The following FRMD4B variants were observed in gnomAD, a reference collection of about 807,000 sequenced individuals.
FRMD4B encodes the protein FERM domain-containing protein 4B.
Under a neutral mutation model 141.5 loss-of-function variants are expected in FRMD4B, and 74 were observed. The ratio of observed to expected loss-of-function variants is 0.52; its 90% CI spans 0.43 to 0.63. The LOEUF (loss-of-function observed/expected upper bound fraction) is 0.63, where lower values mean the gene tolerates loss of function less well. FRMD4B is among the 30% of genes least tolerant of loss of function. FRMD4B has a pLI of 0.00. For missense variants in FRMD4B, 1,366 were observed against 1,253.4 expected, an observed-to-expected ratio of 1.09 and a Z score of -1.36; for synonymous variants, 506 against 467.9, an observed-to-expected ratio of 1.08 and a Z score of -1.05.
intron 5 of FRMD4B, among the ~76,000 whole-genome samples, chr3:69,256,940 C>T (rs959505105): frequency 6.6e-6 from 1 of 152,150 alleles, no homozygotes; most frequent in Non-Finnish European, 1.5e-5. Flanking sequence ...TTTATAACCT[C>T]AGCACAACTG....
Position 69,200,840 on chromosome 3 carries a change from A to G in FRMD4B, c.877-2066T>C, listed in dbSNP as rs78656126. 2.9e-3 allele frequency: 1,392 copies of G among 474,372 alleles called. 8 individuals carry two copies. Among genetic ancestry groups the G allele is most frequent in the Middle Eastern group, 0.012 (38 of 3,110 alleles). The allele number at this position is 474,372 out of a possible 1,614,324, so 29.4% of individuals were successfully genotyped here. On this transcript the variant is annotated intron_variant, in intron 11 of 22. Transcript: ENST00000398540. Reference sequence around the variant, plus strand: ...GGACATGAACAGGTTCTACAGGAAGAGTTACAATGCAGCTCAGCTGTGTTT... The same window carrying G: ...GGACATGAACAGGTTCTACAGGAAGGGTTACAATGCAGCTCAGCTGTGTTT...
intron 1 of FRMD4B, among the ~76,000 whole-genome samples, chr3:69,436,614 G>A (rs1023110284): frequency 5.9e-5 from 9 of 152,156 alleles, no homozygotes; most frequent in African/African-American, 2.2e-4. Context: ...AGAATTGAAA[G>A]GAGGGCCTTG....
At chr3:69,230,343 T>C (rs187462365) in intron 7 of FRMD4B, among the ~76,000 whole-genome samples, 157 of 152,288 alleles carry the variant, frequency 1.0e-3, no homozygotes, top group Non-Finnish European at 1.9e-3. Flanking sequence ...GGAACTCTCA[T>C]CCATTACTAG....
intron 1 of FRMD4B, among the ~76,000 whole-genome samples, chr3:69,483,512 A>G (rs765904341): frequency 6.6e-6 from 1 of 152,220 alleles, no homozygotes; most frequent in Non-Finnish European, 1.5e-5. Context: ...TTGACTAATG[A>G]AAAGCTTAAA....
Position 69,313,516 on chromosome 3 carries a change from A to T in FRMD4B, c.164T>A (p.Met55Lys). Reference protein sequence around the residue: ...TWCGLQDVYQMTEGRHCQVHL... With the variant: ...TWCGLQDVYQKTEGRHCQVHL... ...CACCTGGCAGTGCCTGCCTTCTGTC[A>T]TCTGCAGGAACAAGACAGCAAGAGT... Residue 55 changes from methionine (M) to lysine (K), a missense_variant and splice_region_variant, in exon 2 of 23, where the codon ATG (methionine) becomes AAG (lysine). By Grantham distance (95) the Met-to-Lys change is moderately conservative. Coordinates refer to ENST00000398540, the MANE Select transcript of FRMD4B (RefSeq NM_015123.3). 2 of 1,562,998 alleles carry T rather than the reference A, an allele frequency of 1.3e-6. No homozygotes were observed. Among genetic ancestry groups the T allele is most frequent in the South Asian group, 2.4e-5 (2 of 84,930 alleles).
chr3:69,439,717 C>T (rs1705314981), intron 1 of FRMD4B, among the ~76,000 whole-genome samples: 1 of 152,212 alleles, frequency 6.6e-6, no homozygotes, highest in African/African-American at 2.4e-5. Flanking sequence ...CTCAGAGTGC[C>T]TGTTTACCTC....
chr3:69,310,396 T>G (rs1170874569), intron 3 of FRMD4B: 1 of 447,770 alleles, frequency 2.2e-6, no homozygotes, highest in East Asian at 7.1e-5. Context: ...CCAACATATT[T>G]TATGTCTGGA....
chr3:69,525,510 T>G (rs1385413538), intron 1 of FRMD4B, among the ~76,000 whole-genome samples: 2 of 152,280 alleles, frequency 1.3e-5, no homozygotes, highest in East Asian at 3.9e-4. Flanking sequence ...CACATGCAGA[T>G]CCACTGTATG....
intron 1 of FRMD4B, among the ~76,000 whole-genome samples, chr3:69,464,881 C>T: frequency 6.6e-6 from 1 of 152,146 alleles, no homozygotes; most frequent in East Asian, 1.9e-4. Flanking sequence ...GTGAGAAACT[C>T]TGCAGGTCAA....
At chr3:69,220,153 T>C (rs997212264) in intron 9 of FRMD4B, among the ~76,000 whole-genome samples, 4 of 152,308 alleles carry the variant, frequency 2.6e-5, no homozygotes, top group African/African-American at 9.6e-5. Flanking sequence ...GCACACATCA[T>C]AGAGTGCACT....
At chr3:69,528,725 A>C (rs2107149404) in intron 1 of FRMD4B, among the ~76,000 whole-genome samples, 1 of 152,142 alleles carries the variant, frequency 6.6e-6, no homozygotes, top group East Asian at 1.9e-4. Flanking sequence ...TTCAAGTGTA[A>C]GGTATTTATC....
intron 2 of FRMD4B, among the ~76,000 whole-genome samples, chr3:69,419,216 C>G (rs1679978603): frequency 6.6e-6 from 1 of 152,170 alleles, no homozygotes; most frequent in African/African-American, 2.4e-5. Flanking sequence ...CCAACTGAAA[C>G]TGACCAAAGC....
In FRMD4B at chr3:69,321,409, A is replaced by G. The variant is rs116553114; in HGVS notation, c.163-7892T>C. On this transcript the variant is annotated intron_variant, in intron 1 of 22. Transcript: ENST00000398540. ...TTCCTTTTGACCTTTTCGAAAGCCTAGTGAGAAAGGGCCTGCTTCATAAAA... is the reference window on the plus strand; with the variant it reads ...TTCCTTTTGACCTTTTCGAAAGCCTGGTGAGAAAGGGCCTGCTTCATAAAA... Among the ~76,000 whole-genome samples the G allele has an allele frequency of 2.8e-3, 433 of 152,250 alleles. 2 individuals are homozygous for G. The highest frequency in any genetic ancestry group is 3.8e-3 in the Non-Finnish European group (258 of 68,012).
At chr3:69,196,594 G>T (rs1267307050) in intron 13 of FRMD4B, 198 bp from the exon 14 acceptor site, 1 of 587,922 alleles carries the variant, frequency 1.7e-6, no homozygotes, top group Non-Finnish European at 2.9e-6. Flanking sequence ...ATAACTATAC[G>T]TGATTTTCTC....
intron 1 of FRMD4B, among the ~76,000 whole-genome samples, chr3:69,323,817 G>T (rs1210505711): frequency 6.6e-6 from 1 of 151,718 alleles, no homozygotes; most frequent in African/African-American, 2.4e-5. Flanking sequence ...TAGGTGTTCT[G>T]ACTCCAGAAT....
chr3:69,488,247 GC>G (rs1706249751), intron 1 of FRMD4B, among the ~76,000 whole-genome samples: 1 of 152,262 alleles, frequency 6.6e-6, no homozygotes, highest in East Asian at 1.9e-4. Context: ...CAACACTAGA[GC>G]TTTTGTCCAA....
At chr3:69,443,622 C>T (rs551624661) in intron 1 of FRMD4B, among the ~76,000 whole-genome samples, 1 of 152,256 alleles carries the variant, frequency 6.6e-6, no homozygotes, top group South Asian at 2.1e-4. Context: ...ACCACCTTTG[C>T]AAAATTATGA....
At chr3:69,422,829 G>A (rs544946733) in intron 2 of FRMD4B, among the ~76,000 whole-genome samples, 4 of 152,184 alleles carry the variant, frequency 2.6e-5, no homozygotes, top group East Asian at 1.9e-4. Flanking sequence ...AGCTCAGGAC[G>A]GTAGCAAAAC....
At chr3:69,451,725 T>C (rs1300524310) in intron 1 of FRMD4B, among the ~76,000 whole-genome samples, 3 of 152,146 alleles carry the variant, frequency 2.0e-5, no homozygotes, top group African/African-American at 7.2e-5. Context: ...GGTCCTGGCA[T>C]GTTACAACCT....
Sources: gnomAD v4.1 joint callset for allele counts (sites outside exome capture counted in the v4.1 genomes callset) on GRCh38, gnomAD v4.1.1 for gene constraint, MANE v1.5 for transcripts, NCBI Gene and HGNC (gene_info 2026-07-23, HGNC 2026-07-21) for gene names.